TUSC3: variants seen among roughly 807,000 people sequenced by gnomAD.
TUSC3 encodes the protein dolichyl-diphosphooligosaccharide--protein glycosyltransferase subunit TUSC3.
A neutral mutation model predicts 44.8 loss-of-function variants in TUSC3; 45 were observed. That is an observed-to-expected ratio of 1.00 (90% CI 0.79 to 1.29). The LOEUF (loss-of-function observed/expected upper bound fraction) is 1.29, where lower values mean the gene tolerates loss of function less well. Ranked by LOEUF, TUSC3 falls within the 50% of genes most tolerant of loss-of-function variation. The probability of loss-of-function intolerance (pLI) is 0.00; values close to 1 mark genes in which losing one functional copy is unlikely to be tolerated. For missense variants in TUSC3, 519 were observed against 437.9 expected, an observed-to-expected ratio of 1.19 and a Z score of -1.65; for synonymous variants, 212 against 152.9, an observed-to-expected ratio of 1.39 and a Z score of -2.85.
chr8:15,629,910 A>G (rs376153960), intron 2 of TUSC3, among the ~76,000 whole-genome samples: 5 of 151,984 alleles, frequency 3.3e-5, no homozygotes, highest in East Asian at 1.9e-4. Flanking sequence ...TTGGAATTCA[A>G]TTCTCACCTC....
At chr8:15,541,576 T>TG (rs1801693593) in intron 1 of TUSC3, among the ~76,000 whole-genome samples, 2 of 152,296 alleles carry the variant, frequency 1.3e-5, no homozygotes, top group Admixed American at 1.3e-4. Flanking sequence ...CCCTTTCTCT[T>TG]TATTCTTAGT....
the TUSC3 span, chr8:15,806,233 G>T: frequency 1.8e-6 from 1 of 549,538 alleles, no homozygotes; most frequent in Non-Finnish European, 3.5e-6. Context: ...ATAACATTTT[G>T]CTTGTTTGCC....
the TUSC3 span, chr8:15,806,263 G>A: frequency 1.7e-5 from 10 of 604,122 alleles, no homozygotes; most frequent in Non-Finnish European, 2.8e-5. Context: ...CCAGGTGGCA[G>A]TCTGGGGATG....
At chr8:15,719,959 C>G (rs1012777656) in intron 6 of TUSC3, among the ~76,000 whole-genome samples, 1 of 151,926 alleles carries the variant, frequency 6.6e-6, no homozygotes, top group African/African-American at 2.4e-5. Flanking sequence ...CTTACTCTTG[C>G]CCAAGCTAGA....
At chr8:15,721,989 T>C (rs1563190143) in intron 6 of TUSC3, among the ~76,000 whole-genome samples, 1 of 152,036 alleles carries the variant, frequency 6.6e-6, no homozygotes, top group Non-Finnish European at 1.5e-5. Context: ...TTGGAAAATA[T>C]AGTAGAATGA....
chr8:15,570,130 A>C (rs571935320), intron 1 of TUSC3, among the ~76,000 whole-genome samples: 2 of 152,202 alleles, frequency 1.3e-5, no homozygotes, highest in Admixed American at 1.3e-4. Context: ...TCGCATTATA[A>C]ATTCTTGACT....
At chr8:15,806,415 G>C in the TUSC3 span, 1 of 664,260 alleles carries the variant, frequency 1.5e-6, no homozygotes, top group East Asian at 2.7e-5. Context: ...TACTTTGGGT[G>C]CATTTGGAAA....
intron 1 of TUSC3, among the ~76,000 whole-genome samples, chr8:15,476,719 C>T (rs1482045760): frequency 6.6e-6 from 1 of 152,174 alleles, no homozygotes; most frequent in African/African-American, 2.4e-5. Context: ...CAGGCCCGAG[C>T]ATAGGGGCTC....
At chr8:15,793,877 T>C in the TUSC3 span, among the ~76,000 whole-genome samples, 4 of 152,226 alleles carry the variant, frequency 2.6e-5, no homozygotes, top group Admixed American at 1.3e-4. Context: ...GCAGATGTCA[T>C]AGGTCATAAA....
Position 15,556,877 on chromosome 8 carries a change from T to A in TUSC3, c.138+16309T>A, listed in dbSNP as rs564837231. ...TTTGTTTTTTTCTTGTAAATTTGTT[T>A]GAGTTCATTGTAGATTCTGGATATT... On this transcript the variant is annotated intron_variant, in intron 1 of 10. Transcript: ENST00000503731. 1.2e-3 allele frequency among the ~76,000 whole-genome samples: 178 copies of A among 144,220 alleles called. 2 individuals are homozygous for A. Among genetic ancestry groups the A allele is most frequent in the Non-Finnish European group, 2.4e-3 (153 of 65,090 alleles). 94.6% of individuals were successfully genotyped at this position (144,220 alleles called of 152,430 possible).
chr8:15,574,520 A>G (rs1439027720), intron 1 of TUSC3, among the ~76,000 whole-genome samples: 2 of 151,804 alleles, frequency 1.3e-5, no homozygotes, highest in Non-Finnish European at 2.9e-5. Context: ...TCTATTTTTA[A>G]TCGTTAGGTT....
In TUSC3 at chr8:15,457,324, T is replaced by G. The variant is rs1056210206; in HGVS notation, n.92-26062T>G. Among the ~76,000 whole-genome samples the G allele has an allele frequency of 2.0e-5, 3 of 151,626 alleles. No homozygotes were observed. In the South Asian group the frequency reaches 6.2e-4, roughly 31 times the overall value. On this transcript the variant is annotated intron_variant and non_coding_transcript_variant, in intron 1 of 5. Coordinates refer to the TUSC3 transcript ENST00000503191. ...TAGAACTTAAAGTATAATAAAAATA[T>G]ATATATATTTAAAAAAACAAAAACA...
intron 1 of TUSC3, among the ~76,000 whole-genome samples, chr8:15,555,583 T>G (rs544507669): frequency 6.6e-6 from 1 of 151,692 alleles, no homozygotes; most frequent in South Asian, 2.1e-4. Flanking sequence ...TATTACAGTC[T>G]TAAAATGAGA....
the TUSC3 span, among the ~76,000 whole-genome samples, chr8:15,830,617 G>A: frequency 0.96 from 145,748 of 152,204 alleles, 69,827 homozygotes; most frequent in Non-Finnish European, 0.97. Flanking sequence ...AGCAACACAG[G>A]TAGAGGTGGA....
At chr8:15,625,669 G>A (rs1393742270) in intron 2 of TUSC3, among the ~76,000 whole-genome samples, 1 of 152,182 alleles carries the variant, frequency 6.6e-6, no homozygotes, top group African/African-American at 2.4e-5. Context: ...TTGAGCTGTA[G>A]TGGAGACTGA....
At chr8:15,512,464 T>G (rs1563270685) in intron 2 of TUSC3, among the ~76,000 whole-genome samples, 2 of 152,120 alleles carry the variant, frequency 1.3e-5, no homozygotes, top group Non-Finnish European at 2.9e-5. Flanking sequence ...ACATGTGAAC[T>G]AATTCTTTAA....
intron 1 of TUSC3, among the ~76,000 whole-genome samples, chr8:15,591,042 G>T (rs1285015511): frequency 6.6e-6 from 1 of 152,132 alleles, no homozygotes; most frequent in Non-Finnish European, 1.5e-5. Context: ...GTTCTTTAAA[G>T]TACTTTTAAG....
At chr8:15,696,738 T>A (rs1320096954) in intron 6 of TUSC3, among the ~76,000 whole-genome samples, 2 of 152,238 alleles carry the variant, frequency 1.3e-5, no homozygotes, top group African/African-American at 2.4e-5. Context: ...ATCAGGGATA[T>A]CTGTCTGTAG....
At chr8:15,616,156 G>C (rs1307776915) in intron 1 of TUSC3, among the ~76,000 whole-genome samples, 2 of 151,480 alleles carry the variant, frequency 1.3e-5, no homozygotes, top group African/African-American at 4.9e-5. Flanking sequence ...GACTCTTAAA[G>C]AATAAAAGTA....
Sources: gnomAD v4.1 joint callset for allele counts (sites outside exome capture counted in the v4.1 genomes callset) on GRCh38, gnomAD v4.1.1 for gene constraint, MANE v1.5 for transcripts, NCBI Gene and HGNC (gene_info 2026-07-23, HGNC 2026-07-21) for gene names.